Variants in C19orf47 observed in about 807,000 individuals in gnomAD.
C19orf47 encodes the protein uncharacterized protein C19orf47.
In C19orf47, 18 loss-of-function variants were observed where a neutral mutation model predicts 32.3. The ratio of observed to expected loss-of-function variants is 0.56; its 90% CI spans 0.39 to 0.83. The LOEUF (loss-of-function observed/expected upper bound fraction) is 0.83. Among genes scored for constraint, C19orf47 ranks in the 40% least tolerant of loss-of-function variants. C19orf47 has a pLI of 0.00. For synonymous variants in C19orf47, 202 were observed against 211.1 expected, an observed-to-expected ratio of 0.96 and a Z score of 0.37; for missense variants, 484 against 531.6, an observed-to-expected ratio of 0.91 and a Z score of 0.88.
chr19:40,327,313 C>CTT (rs753817564), intron 6 of C19orf47, among the ~76,000 whole-genome samples: 4 of 139,108 alleles, frequency 2.9e-5, no homozygotes, highest in African/African-American at 8.0e-5. Context: ...CCCGCCCAGC[C>CTT]TTTTTTTTTT....
At chr19:40,307,084 C>T in the C19orf47 span, among the ~76,000 whole-genome samples, 2 of 145,370 alleles carry the variant, frequency 1.4e-5, no homozygotes, top group Non-Finnish European at 3.0e-5. Context: ...CCACCGCGCC[C>T]GGCCCTTTTT....
chr19:40,328,760 T>A (rs945715931), intron 5 of C19orf47, among the ~76,000 whole-genome samples: 2 of 152,070 alleles, frequency 1.3e-5, no homozygotes, highest in Non-Finnish European at 2.9e-5. Context: ...TCCCTCCCTA[T>A]CCTGGGAGCC....
At chr19:40,297,049 G>A in the C19orf47 span, among the ~76,000 whole-genome samples, 2 of 152,154 alleles carry the variant, frequency 1.3e-5, no homozygotes, top group Non-Finnish European at 2.9e-5. Context: ...AAAACTGCTA[G>A]AAATATAGGA....
intron 2 of C19orf47, among the ~76,000 whole-genome samples, chr19:40,339,520 T>C (rs1250858523): frequency 1.3e-5 from 2 of 152,148 alleles, no homozygotes; most frequent in Non-Finnish European, 2.9e-5. Context: ...TGAAATACTA[T>C]ACAGCAGTGA....
chr19:40,297,872 CAA>C, the C19orf47 span, among the ~76,000 whole-genome samples: 12 of 104,976 alleles, frequency 1.1e-4, no homozygotes, highest in African/African-American at 1.4e-4. Flanking sequence ...GACTCCGTCT[CAA>C]AAAAAAAAAA....
At chr19:40,345,459 G>A (rs2078253434) in intron 1 of C19orf47, among the ~76,000 whole-genome samples, 1 of 151,278 alleles carries the variant, frequency 6.6e-6, no homozygotes, top group Non-Finnish European at 1.5e-5. Flanking sequence ...AGCACTTTGG[G>A]AGGCCGAAGC....
At chr19:40,322,903 C>T (rs1343947975) in intron 8 of C19orf47, among the ~76,000 whole-genome samples, 1 of 152,194 alleles carries the variant, frequency 6.6e-6, no homozygotes, top group Admixed American at 6.5e-5. Flanking sequence ...GCAAGAATGA[C>T]AGTAACGCAT....
Position 40,321,565 on chromosome 19 carries a change from G to A in C19orf47, c.*317C>T, listed in dbSNP as rs2077718212. The A allele has an allele frequency of 8.9e-7, 1 of 1,121,054 alleles. No homozygotes were observed. The highest frequency in any genetic ancestry group is 1.1e-6 in the Non-Finnish European group (1 of 914,234). 69.4% of individuals were successfully genotyped at this position (1,121,054 alleles called of 1,614,324 possible). A position where few individuals can be genotyped will look rare whatever the true frequency, so the allele number is the denominator to read the frequency against. ...GCAGACCCTGCTCAGGGGAAGAAGG[G>A]GAATGTAGGAGAGGAAGAAGCCCCC... On this transcript the variant is annotated 3_prime_UTR_variant, in exon 9 of 9. Coordinates refer to ENST00000683109, the MANE Select transcript of C19orf47 (RefSeq NM_001256441.2).
chr19:40,322,120 G>A lies in C19orf47; in HGVS notation c.920C>T (p.Pro307Leu), dbSNP rs377039602. ...GATGCTGACTTTAGACAAGGACTCC[G>A]GCTTCCTCTCAAGCCCAGACCGTGA... ...LSSRSGLERK[P>L]ESLSKVSIIK... The change falls in exon 9 of 9, where the codon CCG becomes CTG. Residue 307 changes from proline (P) to leucine (L), a missense_variant. Around this residue, in one of 3 missense-constraint regions of C19orf47, gnomAD observed 376 missense variants for 370.2 expected, o/e 1.02. Coordinates refer to ENST00000683109, the MANE Select transcript of C19orf47 (RefSeq NM_001256441.2). 22 of 1,613,944 alleles carry A rather than the reference G, an allele frequency of 1.4e-5. No individual in the cohort carries two copies. The highest frequency in any genetic ancestry group is 1.3e-4 in the African/African-American group (10 of 74,928).
chr19:40,318,997 C>T (rs950754918), downstream of C19orf47, among the ~76,000 whole-genome samples: 2 of 152,138 alleles, frequency 1.3e-5, no homozygotes, highest in East Asian at 3.9e-4. Context: ...ATGGTCCAGG[C>T]GCAGTGGCTC....
Position 40,322,112 on chromosome 19 carries a change from A to C in C19orf47, c.928T>G (p.Leu310Val), listed in dbSNP as rs755824197. 1.9e-6 allele frequency: 3 copies of C among 1,614,160 alleles called. No homozygotes were observed. Among genetic ancestry groups the C allele is most frequent in the Non-Finnish European group, 2.5e-6 (3 of 1,180,040 alleles). ...CTCTTGATGATGCTGACTTTAGACA[A>C]GGACTCCGGCTTCCTCTCAAGCCCA... ...RSGLERKPES[L>V]SKVSIIKRLG... Residue 310 changes from leucine to valine, a missense_variant, in exon 9 of 9, where the codon TTG becomes GTG. Transcript: ENST00000683109.
At position 40,328,487 on chromosome 19, in the gene C19orf47, C is replaced by A. The variant is rs9973304; in HGVS notation, c.365G>T (p.Arg122Leu). ...GATCTTGGAGGTGCTGGTGTCCGGG[C>A]GCCTGGGGGGTGTGCTGGGTGGAGA... ...HDSPPSTPPR[R>L]PDTSTSKISV... is the part of the protein sequence containing the mutation. Residue 122 changes from arginine (R) to leucine (L), a missense_variant, in exon 6 of 9, where the codon CGC (arginine) becomes CTC (leucine). By Grantham distance (102) the Arg-to-Leu change is moderately radical. Around this residue, in one of 3 missense-constraint regions of C19orf47, gnomAD observed 376 missense variants for 370.2 expected, o/e 1.02. Coordinates refer to ENST00000683109, the MANE Select transcript of C19orf47 (RefSeq NM_001256441.2). The A allele has an allele frequency of 3.1e-6, 5 of 1,611,790 alleles. No homozygotes were observed. Among genetic ancestry groups the A allele is most frequent in the Non-Finnish European group, 3.4e-6 (4 of 1,179,012 alleles).
intron 5 of C19orf47, among the ~76,000 whole-genome samples, chr19:40,330,524 C>A (rs915080374): frequency 1.3e-5 from 2 of 150,518 alleles, no homozygotes; most frequent in Non-Finnish European, 1.5e-5. Context: ...AGGCGTGAGC[C>A]ACCATACCCG....
intron 4 of C19orf47, 99 bp from the exon 5 acceptor site, chr19:40,334,028 G>A: frequency 1.2e-6 from 1 of 850,442 alleles, no homozygotes; most frequent in Non-Finnish European, 1.8e-6. Context: ...GACTGCTAGA[G>A]AAGATTCTAA....
At chr19:40,299,458 TTTTTC>T in the C19orf47 span, 3 of 152,314 alleles carry the variant, frequency 2.0e-5, 1 homozygote, top group South Asian at 6.2e-4. Flanking sequence ...AATTTTTCCT[TTTTTC>T]TTTTCTTAAT....
chr19:40,338,350 C>CACAAATATATATAT (rs2078111429), intron 2 of C19orf47, among the ~76,000 whole-genome samples: 1 of 117,106 alleles, frequency 8.5e-6, no homozygotes, highest in Admixed American at 7.9e-5. Context: ...TATATATATA[C>CACAAATATATATAT]ACACACACAC....
intron 5 of C19orf47, among the ~76,000 whole-genome samples, chr19:40,331,048 T>C (rs940843891): frequency 1.3e-5 from 2 of 152,284 alleles, no homozygotes; most frequent in Non-Finnish European, 2.9e-5. Context: ...CTTTTCTGAA[T>C]GTATGTTATG....
At chr19:40,338,769 C>T (rs1600209510) in intron 2 of C19orf47, among the ~76,000 whole-genome samples, 1 of 152,082 alleles carries the variant, frequency 6.6e-6, no homozygotes, top group Non-Finnish European at 1.5e-5. Context: ...CCACCTGCCT[C>T]GGCCTCCCAA....
intron 4 of C19orf47, among the ~76,000 whole-genome samples, 178 bp from the exon 5 acceptor site, chr19:40,334,107 T>C (rs1170769694): frequency 6.6e-6 from 1 of 152,214 alleles, no homozygotes; most frequent in Non-Finnish European, 1.5e-5. Flanking sequence ...ATAAAATATC[T>C]GACCAGTATA....
Sources: allele counts gnomAD v4.1 joint callset (sites outside exome capture counted in the v4.1 genomes callset), GRCh38; gene constraint gnomAD v4.1.1; regional missense constraint gnomAD v4.1.1; transcripts MANE v1.5; gene names NCBI Gene and HGNC (gene_info 2026-07-23, HGNC 2026-07-21).